The following GDA variants were observed in gnomAD, a reference collection of about 807,000 sequenced individuals.
GDA encodes cytoplasmic PSD-95 interactor.
Under a neutral mutation model 59.6 loss-of-function variants are expected in GDA, and 18 were observed. The ratio of observed to expected loss-of-function variants is 0.30; its 90% CI spans 0.21 to 0.45. The LOEUF (loss-of-function observed/expected upper bound fraction) is 0.45, where lower values mean the gene tolerates loss of function less well. GDA is among the 20% of genes least tolerant of loss of function. The pLI, the probability that GDA is intolerant of heterozygous loss-of-function variation, is 1.00. For synonymous variants in GDA, 201 were observed against 201.1 expected, an observed-to-expected ratio of 1.00 and a Z score of 0.00; for missense variants, 427 against 552.3, an observed-to-expected ratio of 0.77 and a Z score of 2.27.
intron 9 of GDA, among the ~76,000 whole-genome samples, chr9:72,229,648 C>G (rs557340205): frequency 6.6e-6 from 1 of 152,232 alleles, no homozygotes; most frequent in South Asian, 2.1e-4. Context: ...AACTTCTGGC[C>G]GTCCCCAAAC....
intron 7 of GDA, among the ~76,000 whole-genome samples, chr9:72,224,472 T>C (rs1837295186): frequency 6.6e-6 from 1 of 152,220 alleles, no homozygotes; most frequent in Admixed American, 6.5e-5. Context: ...AATTATGCCC[T>C]CTTAGATTTT....
At chr9:72,220,704 G>A (rs1836747734) in intron 6 of GDA, among the ~76,000 whole-genome samples, 1 of 152,104 alleles carries the variant, frequency 6.6e-6, no homozygotes, top group Non-Finnish European at 1.5e-5. Flanking sequence ...TGGAAGTTGG[G>A]GACTGCTTGG....
chr9:72,250,041 ACC>A lies in GDA; in HGVS notation c.*1701_*1702del. On this transcript the variant is annotated 3_prime_UTR_variant, in exon 14 of 14. Transcript: ENST00000358399. ...TTTTGTGAGATAAGTATCTTAGTAA[ACC>A]CAATTTCCAGTCTTAGTCTGTATTT... is the stretch of plus-strand genomic sequence containing the variant. 1.0e-6 allele frequency: 1 copy of A among 970,132 alleles called. No individual in the cohort carries two copies. Among genetic ancestry groups the A allele is most frequent in the Non-Finnish European group, 1.2e-6 (1 of 816,132 alleles). 60.1% of individuals were successfully genotyped at this position (970,132 alleles called of 1,614,324 possible). A position where few individuals can be genotyped will look rare whatever the true frequency, so the allele number is the denominator to read the frequency against.
rs1324921201 is a variant in GDA, at chr9:72,232,720, T to C, written c.988+1539T>C. Among the ~76,000 whole-genome samples the C allele has an allele frequency of 2.6e-5, 4 of 152,250 alleles. No homozygotes were observed. In the East Asian group the frequency reaches 7.7e-4, roughly 29 times the overall value. On this transcript the variant is annotated intron_variant, in intron 10 of 13. Coordinates refer to ENST00000358399, the MANE Select transcript of GDA (RefSeq NM_004293.5). Reference sequence around the variant, plus strand: ...TTCTTGACTTTGGATTGTTTAGTGATGGTCTATAAAGTTCAAGTTGAGTTC... The same window carrying C: ...TTCTTGACTTTGGATTGTTTAGTGACGGTCTATAAAGTTCAAGTTGAGTTC...
intron 9 of GDA, 125 bp downstream of exon 9, chr9:72,228,165 G>T: frequency 1.5e-6 from 1 of 659,714 alleles, no homozygotes. Flanking sequence ...GCAGGACCCA[G>T]ATAGATAGAC....
In GDA at chr9:72,149,608, T is replaced by C. The variant is rs1406091698; in HGVS notation, c.49T>C (p.Phe17Leu). The C allele has an allele frequency of 6.2e-7, 1 of 1,611,560 alleles. No homozygotes were observed. Among genetic ancestry groups the C allele is most frequent in the Non-Finnish European group, 8.5e-7 (1 of 1,179,062 alleles). Residue 17 changes from phenylalanine to leucine, a missense_variant, in exon 1 of 14, where the codon TTC (phenylalanine) becomes CTC (leucine). By Grantham distance (22) the Phe-to-Leu change is conservative (BLOSUM62 0). Transcript: ENST00000358399. ...PPLAHIFRGTFVHSTWTCPME... is the reference protein window; with the variant it reads ...PPLAHIFRGTLVHSTWTCPME... ...CCTGGCGCACATCTTCCGAGGGACG[T>C]TCGTCCACTCCACCTGGACCTGCCC...
At chr9:72,141,551 A>C (rs1383529612) in intron 1 of GDA, among the ~76,000 whole-genome samples, 3 of 152,106 alleles carry the variant, frequency 2.0e-5, no homozygotes, top group African/African-American at 7.2e-5. Flanking sequence ...CTAAAGAGGC[A>C]CTAATTGTGT....
At chr9:72,190,933 TA>T in intron 1 of GDA, among the ~76,000 whole-genome samples, 1 of 152,234 alleles carries the variant, frequency 6.6e-6, no homozygotes, top group South Asian at 2.1e-4. Context: ...TAGAATAAAA[TA>T]AGGGGCAGCA....
intron 1 of GDA, among the ~76,000 whole-genome samples, chr9:72,167,863 A>G (rs1779366734): frequency 6.6e-6 from 1 of 152,202 alleles, no homozygotes; most frequent in South Asian, 2.1e-4. Context: ...AAAGCTTAGC[A>G]TTTTAGTAAA....
chr9:72,131,584 C>G (rs750031915), intron 1 of GDA, among the ~76,000 whole-genome samples: 7 of 151,982 alleles, frequency 4.6e-5, no homozygotes, highest in Non-Finnish European at 8.8e-5. Flanking sequence ...AGCCCTGAAC[C>G]CTCTGAGCCT....
intron 1 of GDA, among the ~76,000 whole-genome samples, chr9:72,168,922 A>G (rs982466512): frequency 1.3e-5 from 2 of 152,206 alleles, no homozygotes; most frequent in Non-Finnish European, 2.9e-5. Flanking sequence ...CAGCTCTCAT[A>G]TGGAATAAAT....
chr9:72,255,089 A>T (rs537993573), downstream of GDA, among the ~76,000 whole-genome samples: 1 of 152,344 alleles, frequency 6.6e-6, no homozygotes, highest in East Asian at 1.9e-4. Flanking sequence ...GTTAGACAGC[A>T]TCTTTTGTTG....
intron 1 of GDA, among the ~76,000 whole-genome samples, chr9:72,189,167 T>C (rs1012450288): frequency 7.2e-5 from 5 of 69,172 alleles, no homozygotes; most frequent in African/African-American, 1.1e-4. Flanking sequence ...GACTCTAGAC[T>C]TTTTTTTTTT....
At chr9:72,183,360 T>A (rs562221476) in intron 1 of GDA, among the ~76,000 whole-genome samples, 1 of 152,252 alleles carries the variant, frequency 6.6e-6, no homozygotes, top group South Asian at 2.1e-4. Context: ...CCAGTTCCCC[T>A]GACCCTATTA....
chr9:72,220,065 A>G (rs1836674188), intron 6 of GDA, among the ~76,000 whole-genome samples: 3 of 152,234 alleles, frequency 2.0e-5, no homozygotes, highest in Non-Finnish European at 2.9e-5. Flanking sequence ...TGCAGTGTAT[A>G]TGTCTATATA....
intron 1 of GDA, among the ~76,000 whole-genome samples, chr9:72,120,793 C>T (rs541124405): frequency 8.4e-4 from 128 of 152,286 alleles, no homozygotes; most frequent in African/African-American, 3.0e-3. Flanking sequence ...ACCACCTACC[C>T]TTTAACACAT....
At chr9:72,141,723 C>T (rs961668452) in intron 1 of GDA, among the ~76,000 whole-genome samples, 3 of 152,134 alleles carry the variant, frequency 2.0e-5, no homozygotes, top group Non-Finnish European at 2.9e-5. Flanking sequence ...ACTTTAGATC[C>T]ACGGTCAGCT....
At chr9:72,223,551 A>G (rs1476350256) in intron 7 of GDA, among the ~76,000 whole-genome samples, 1 of 152,210 alleles carries the variant, frequency 6.6e-6, no homozygotes, top group Non-Finnish European at 1.5e-5. Context: ...GATACATTTA[A>G]TGCATTTATT....
At chr9:72,231,002 C>T (rs1838271935) in intron 9 of GDA, 112 bp from the exon 10 acceptor site, 1 of 741,716 alleles carries the variant, frequency 1.3e-6, no homozygotes, top group Non-Finnish European at 2.5e-6. Flanking sequence ...AACATTAGAG[C>T]CGATATATTG....
Sources: gnomAD v4.1 joint callset for allele counts (sites outside exome capture counted in the v4.1 genomes callset) on GRCh38, gnomAD v4.1.1 for gene constraint, MANE v1.5 for transcripts, NCBI Gene and HGNC (gene_info 2026-07-23, HGNC 2026-07-21) for gene names.